The following SULT4A1 variants were observed in gnomAD, a reference collection of about 807,000 sequenced individuals.
SULT4A1 encodes sulfotransferase 4A1.
Under a neutral mutation model 35.2 loss-of-function variants are expected in SULT4A1, and 11 were observed. That is an observed-to-expected ratio of 0.31 (90% CI 0.20 to 0.52). The LOEUF (loss-of-function observed/expected upper bound fraction) is 0.52. Among genes scored for constraint, SULT4A1 ranks in the 20% least tolerant of loss-of-function variants. The probability of loss-of-function intolerance (pLI) is 0.97; values close to 1 mark genes in which losing one functional copy is unlikely to be tolerated. For missense variants in SULT4A1, 271 were observed against 383.7 expected (o/e 0.71, Z 2.45); for synonymous variants, 152 against 151.8 (o/e 1.00, Z -0.01).
chr22:43,841,746 T>C (rs1030809631), intron 2 of SULT4A1, 56 bp downstream of exon 2: 51 of 1,584,476 alleles, frequency 3.2e-5, no homozygotes, highest in Non-Finnish European at 4.1e-5. Flanking sequence ...CATCAGGGTG[T>C]AACGGTAGAA....
intron 5 of SULT4A1, among the ~76,000 whole-genome samples, chr22:43,832,139 C>G (rs759147040): frequency 4.6e-5 from 7 of 152,178 alleles, no homozygotes; most frequent in Non-Finnish European, 7.4e-5. Context: ...GCGGCAGGAC[C>G]AGGGTTCCAA....
chr22:43,842,302 C>T (rs1603407222), intron 1 of SULT4A1, among the ~76,000 whole-genome samples: 1 of 152,132 alleles, frequency 6.6e-6, no homozygotes, highest in Non-Finnish European at 1.5e-5. Flanking sequence ...GGGAATGACC[C>T]GCTAGCCAAG....
chr22:43,842,862 T>C (rs1016949614), intron 1 of SULT4A1, among the ~76,000 whole-genome samples: 2 of 152,216 alleles, frequency 1.3e-5, no homozygotes, highest in African/African-American at 4.8e-5. Flanking sequence ...CATTATGATA[T>C]GTGCTGGTTT....
At chr22:43,855,610 C>A (rs749051196) in intron 1 of SULT4A1, among the ~76,000 whole-genome samples, 3 of 152,162 alleles carry the variant, frequency 2.0e-5, no homozygotes, top group Non-Finnish European at 4.4e-5. Context: ...CCACTCTCCT[C>A]TCGCTCCCTC....
intron 1 of SULT4A1, among the ~76,000 whole-genome samples, chr22:43,850,169 A>G (rs1021564009): frequency 2.0e-5 from 3 of 151,412 alleles, no homozygotes; most frequent in African/African-American, 7.3e-5. Context: ...CTCTAATCCC[A>G]CTCCCCGGAA....
intron 1 of SULT4A1, among the ~76,000 whole-genome samples, chr22:43,858,717 C>A (rs1420433329): frequency 6.6e-6 from 1 of 152,116 alleles, no homozygotes; most frequent in Admixed American, 6.5e-5. Flanking sequence ...CTCCCACCCC[C>A]ACGCCTCTCT....
intron 1 of SULT4A1, among the ~76,000 whole-genome samples, chr22:43,861,550 G>T (rs1227020215): frequency 6.6e-6 from 1 of 152,218 alleles, no homozygotes; most frequent in Admixed American, 6.5e-5. Context: ...AGACTGTAAA[G>T]TGGGAATGAC....
chr22:43,853,916 G>A (rs955610732), intron 1 of SULT4A1, among the ~76,000 whole-genome samples: 4 of 152,240 alleles, frequency 2.6e-5, no homozygotes, highest in African/African-American at 9.6e-5. Flanking sequence ...CCTTGTGTGA[G>A]AGAAAGTCAG....
chr22:43,852,198 T>C (rs1367558592), intron 1 of SULT4A1, among the ~76,000 whole-genome samples: 1 of 152,076 alleles, frequency 6.6e-6, no homozygotes, highest in Non-Finnish European at 1.5e-5. Flanking sequence ...TTTTTTGTTT[T>C]TGGAGGCAGG....
intron 1 of SULT4A1, among the ~76,000 whole-genome samples, chr22:43,857,463 A>G (rs2049415454): frequency 6.6e-6 from 1 of 152,156 alleles, no homozygotes; most frequent in South Asian, 2.1e-4. Flanking sequence ...ACATCAAACA[A>G]TCTAACATAT....
chr22:43,827,504 A>C, intron 6 of SULT4A1: 1 of 1,332,532 alleles, frequency 7.5e-7, no homozygotes, highest in Non-Finnish European at 1.0e-6. Context: ...TCGTCAGAGG[A>C]GTCACCCACC....
chr22:43,854,827 C>T (rs765659838), intron 1 of SULT4A1, among the ~76,000 whole-genome samples: 21 of 152,208 alleles, frequency 1.4e-4, no homozygotes, highest in Non-Finnish European at 2.8e-4. Flanking sequence ...TCCCCCCTTG[C>T]CTTCTGAGAC....
Position 43,833,795 on chromosome 22 carries a change from C to A in SULT4A1, c.509-61G>T, listed in dbSNP as rs2063343128. 1.1e-5 allele frequency: 15 copies of A among 1,383,346 alleles called. No homozygotes were observed. The South Asian group carries it at 1.4e-4, about 13-fold the overall frequency. 85.7% of individuals were successfully genotyped at this position (1,383,346 alleles called of 1,614,324 possible). ...GGGCAGGAGAAGCGCACACATGGGG[C>A]CATCCCCACCCCACAGGGCTGCCCT... is the stretch of plus-strand genomic sequence containing the variant. On this transcript the variant is annotated intron_variant, in intron 4 of 6. Coordinates refer to ENST00000330884, the MANE Select transcript of SULT4A1 (RefSeq NM_014351.4).
chr22:43,833,551 C>A (rs1255759664), intron 5 of SULT4A1, 89 bp downstream of exon 5: 4 of 1,060,750 alleles, frequency 3.8e-6, no homozygotes, highest in Non-Finnish European at 5.6e-6. Flanking sequence ...CTCCTCCTCC[C>A]ACACGCCCAC....
In SULT4A1 at chr22:43,841,511, C is replaced by T. The variant is rs539945405; in HGVS notation, c.300+291G>A. On this transcript the variant is annotated intron_variant, in intron 2 of 6. Coordinates refer to ENST00000330884, the MANE Select transcript of SULT4A1 (RefSeq NM_014351.4). ...TCAGAGGAGGGCCCCCAGGGGAAAG[C>T]GAGGGGGAGGCCCAGGGCCTGCTCC... Among the ~76,000 whole-genome samples the T allele has an allele frequency of 2.6e-4, 40 of 152,240 alleles. 1 individual carries two copies. The South Asian group carries it at 7.7e-3, about 29-fold the overall frequency.
intron 1 of SULT4A1, among the ~76,000 whole-genome samples, chr22:43,851,663 A>G (rs2049343221): frequency 6.6e-6 from 1 of 152,136 alleles, no homozygotes; most frequent in Admixed American, 6.5e-5. Flanking sequence ...AGCTGAGGAG[A>G]GGAGGGGCTG....
At chr22:43,831,907 A>G (rs992259033) in intron 5 of SULT4A1, among the ~76,000 whole-genome samples, 1 of 89,594 alleles carries the variant, frequency 1.1e-5, no homozygotes, top group South Asian at 3.5e-4. Flanking sequence ...ACTGTGCATG[A>G]CACCACCACA....
At chr22:43,831,790 A>C (rs1239498890) in intron 5 of SULT4A1, among the ~76,000 whole-genome samples, 1 of 152,266 alleles carries the variant, frequency 6.6e-6, no homozygotes, top group African/African-American at 2.4e-5. Flanking sequence ...TCTGGGAAGC[A>C]GGGGTATCAA....
intron 5 of SULT4A1, among the ~76,000 whole-genome samples, 160 bp downstream of exon 5, chr22:43,833,480 C>T (rs1569502992): frequency 6.6e-6 from 1 of 151,658 alleles, no homozygotes; most frequent in Non-Finnish European, 1.5e-5. Flanking sequence ...CCCACACCCC[C>T]AAGCCCCCTT....
Sources: allele counts gnomAD v4.1 joint callset (sites outside exome capture counted in the v4.1 genomes callset), GRCh38; gene constraint gnomAD v4.1.1; transcripts MANE v1.5; gene names NCBI Gene and HGNC (gene_info 2026-07-23, HGNC 2026-07-21).